CPNE4: variants seen among roughly 807,000 people sequenced by gnomAD.
CPNE4 encodes copine-4.
CPNE4 carries 25 observed loss-of-function variants against 67.9 expected under a neutral mutation model. That is an observed-to-expected ratio of 0.37 (90% CI 0.27 to 0.51). The LOEUF (loss-of-function observed/expected upper bound fraction) is 0.51, where lower values mean the gene tolerates loss of function less well. CPNE4 is among the 20% of genes least tolerant of loss of function. The pLI, the probability that CPNE4 is intolerant of heterozygous loss-of-function variation, is 0.93. For synonymous variants in CPNE4, 242 were observed against 244.9 expected, an observed-to-expected ratio of 0.99 and a Z score of 0.11; for missense variants, 464 against 690.8, an observed-to-expected ratio of 0.67 and a Z score of 3.68.
At chr3:131,616,928 T>C (rs1481045159) in intron 7 of CPNE4, among the ~76,000 whole-genome samples, 1 of 152,160 alleles carries the variant, frequency 6.6e-6, no homozygotes, top group Non-Finnish European at 1.5e-5. Context: ...GCCAAATGGT[T>C]CAGGTCCATC....
intron 2 of CPNE4, among the ~76,000 whole-genome samples, chr3:131,728,738 G>A (rs1471305665): frequency 1.3e-5 from 2 of 151,586 alleles, no homozygotes; most frequent in Non-Finnish European, 2.9e-5. Flanking sequence ...GTGAAACCCC[G>A]TCTCTACTTA....
intron 5 of CPNE4, among the ~76,000 whole-genome samples, chr3:131,686,627 G>A (rs1324495024): frequency 6.6e-6 from 1 of 152,120 alleles, no homozygotes; most frequent in African/African-American, 2.4e-5. Context: ...TACTCCTTGG[G>A]TATAGTCCTA....
At chr3:131,659,821 G>A (rs959589720) in intron 7 of CPNE4, among the ~76,000 whole-genome samples, 1 of 152,132 alleles carries the variant, frequency 6.6e-6, no homozygotes, top group African/African-American at 2.4e-5. Context: ...CCAGATTGCT[G>A]AGAGAACAAG....
At chr3:132,016,171 T>G (rs527499228) in intron 1 of CPNE4, among the ~76,000 whole-genome samples, 114 of 152,318 alleles carry the variant, frequency 7.5e-4, no homozygotes, top group African/African-American at 1.8e-3. Context: ...CGCCACGTAT[T>G]ACACCCTGGA....
At chr3:132,036,397 G>A (rs867137053), upstream of CPNE4, among the ~76,000 whole-genome samples, 1 of 140,572 alleles carries the variant, frequency 7.1e-6, no homozygotes, top group African/African-American at 2.6e-5. Context: ...CCAGGATGGA[G>A]CCCCACCTGA....
intron 3 of CPNE4, among the ~76,000 whole-genome samples, chr3:131,711,457 T>G (rs2081555000): frequency 1.3e-5 from 2 of 152,164 alleles, no homozygotes; most frequent in Non-Finnish European, 2.9e-5. Context: ...GATAACTGGC[T>G]TGAAAACGTG....
At chr3:131,874,152 A>G (rs536109931) in intron 2 of CPNE4, among the ~76,000 whole-genome samples, 10 of 151,040 alleles carry the variant, frequency 6.6e-5, no homozygotes, top group Admixed American at 5.9e-4. Flanking sequence ...GCAGTGGCGC[A>G]ATCTCGGCTC....
At chr3:131,573,266 C>A (rs916955555) in intron 10 of CPNE4, among the ~76,000 whole-genome samples, 1 of 152,068 alleles carries the variant, frequency 6.6e-6, no homozygotes, top group Non-Finnish European at 1.5e-5. Context: ...AGACTGCTCT[C>A]CTCACTCACA....
At chr3:131,734,052 C>T (rs1583104110) in intron 2 of CPNE4, among the ~76,000 whole-genome samples, 1 of 152,148 alleles carries the variant, frequency 6.6e-6, no homozygotes, top group East Asian at 1.9e-4. Context: ...TCCTCGGGTT[C>T]CAACTCCCTC....
rs1392050820 is a variant in CPNE4, at chr3:131,792,625, ATATATACACACGTGTATATATG to A, written c.181-69022_181-69001del. ...TATGTGTGTGTGTATATATGTATAT[ATATATACACACGTGTATATATG>A]TATATATACACACGTGTATATATAC... is the stretch of plus-strand genomic sequence containing the variant. On this transcript the variant is annotated intron_variant, in intron 2 of 15. Transcript: ENST00000429747. Among the ~76,000 whole-genome samples the A allele has an allele frequency of 1.4e-3, 151 of 110,738 alleles. 1 individual carries two copies. The highest frequency in any genetic ancestry group is 4.7e-3 in the African/African-American group (132 of 28,088). The allele number at this position is 110,738 out of a possible 152,430, so 72.6% of individuals were successfully genotyped here.
intron 2 of CPNE4, among the ~76,000 whole-genome samples, chr3:131,864,561 C>T (rs2086849571): frequency 6.6e-6 from 1 of 151,664 alleles, no homozygotes. Flanking sequence ...GATTTTGTAT[C>T]CTGAGACTTT....
intron 14 of CPNE4, among the ~76,000 whole-genome samples, chr3:131,548,703 C>T (rs1315543233): frequency 4.6e-5 from 7 of 151,532 alleles, no homozygotes; most frequent in African/African-American, 7.3e-5. Context: ...ATATAGGGAG[C>T]GAAAGAGAAA....
At chr3:131,754,517 A>G (rs2082708418) in intron 2 of CPNE4, among the ~76,000 whole-genome samples, 1 of 152,194 alleles carries the variant, frequency 6.6e-6, no homozygotes, top group Non-Finnish European at 1.5e-5. Flanking sequence ...CATACCAAAT[A>G]TAGATATACT....
intron 2 of CPNE4, among the ~76,000 whole-genome samples, chr3:131,759,503 G>T (rs770580979): frequency 3.9e-5 from 6 of 152,098 alleles, no homozygotes; most frequent in Non-Finnish European, 7.4e-5. Flanking sequence ...TCTAATGGTA[G>T]CATCAACTGT....
At chr3:131,836,822 T>C (rs567432365) in intron 2 of CPNE4, among the ~76,000 whole-genome samples, 26 of 152,312 alleles carry the variant, frequency 1.7e-4, no homozygotes, top group African/African-American at 5.8e-4. Context: ...GCAAGTCATA[T>C]GTCCAACAAA....
intron 1 of CPNE4, among the ~76,000 whole-genome samples, chr3:131,907,452 C>T (rs1171914673): frequency 6.6e-6 from 1 of 151,984 alleles, no homozygotes; most frequent in African/African-American, 2.4e-5. Flanking sequence ...TACAGCATGC[C>T]ACCTCTTTTA....
At chr3:132,027,974 GT>G (rs2074151258) in intron 1 of CPNE4, among the ~76,000 whole-genome samples, 1 of 151,996 alleles carries the variant, frequency 6.6e-6, no homozygotes, top group Non-Finnish European at 1.5e-5. Flanking sequence ...AATGGTAAAG[GT>G]TCTTGGTTAT....
At chr3:131,683,816 C>T (rs1402423273) in intron 6 of CPNE4, among the ~76,000 whole-genome samples, 1 of 152,116 alleles carries the variant, frequency 6.6e-6, no homozygotes, top group East Asian at 1.9e-4. Flanking sequence ...GCAAAGATTG[C>T]CAGAACTCAG....
intron 1 of CPNE4, among the ~76,000 whole-genome samples, chr3:131,976,081 G>GT (rs59067649): frequency 0.037 from 5,037 of 136,610 alleles, 245 homozygotes; most frequent in African/African-American, 0.1. Flanking sequence ...AATATTGTTG[G>GT]TTTTTTTTTT....
Sources: allele counts gnomAD v4.1 joint callset (sites outside exome capture counted in the v4.1 genomes callset), GRCh38; gene constraint gnomAD v4.1.1; transcripts MANE v1.5; gene names NCBI Gene and HGNC (gene_info 2026-07-23, HGNC 2026-07-21).